TSHZ2: variants seen among roughly 807,000 people sequenced by gnomAD.
The protein encoded by TSHZ2 is teashirt zinc finger homeobox 2, also known as teashirt homolog 2.
A neutral mutation model predicts 74.4 loss-of-function variants in TSHZ2; 21 were observed. That is an observed-to-expected ratio of 0.28 (90% CI 0.20 to 0.41). TSHZ2 has a LOEUF of 0.41. Among genes scored for constraint, TSHZ2 ranks in the 10% least tolerant of loss-of-function variants. The pLI is 1.00. For synonymous variants in TSHZ2, 540 were observed against 515.3 expected, an observed-to-expected ratio of 1.05 and a Z score of -0.65; for missense variants, 1,244 against 1,293.5, an observed-to-expected ratio of 0.96 and a Z score of 0.59.
intron 2 of TSHZ2, among the ~76,000 whole-genome samples, chr20:53,270,857 A>C (rs1399313027): frequency 6.6e-6 from 1 of 152,134 alleles, no homozygotes; most frequent in African/African-American, 2.4e-5. Flanking sequence ...TTTCACAGTC[A>C]AATAATTCTA....
intron 1 of TSHZ2, among the ~76,000 whole-genome samples, chr20:53,249,029 C>T (rs1326034714): frequency 6.6e-6 from 1 of 150,968 alleles, no homozygotes; most frequent in Non-Finnish European, 1.5e-5. Context: ...TTAGTCGAAA[C>T]TGGGTTTCAC....
At chr20:53,062,952 A>T (rs1403340584) in intron 1 of TSHZ2, among the ~76,000 whole-genome samples, 1 of 152,130 alleles carries the variant, frequency 6.6e-6, no homozygotes, top group African/African-American at 2.4e-5. Context: ...CAGGGTTATT[A>T]ATTGGCCCAA....
intron 2 of TSHZ2, among the ~76,000 whole-genome samples, chr20:53,415,430 A>C (rs916213773): frequency 1.3e-5 from 2 of 151,894 alleles, no homozygotes; most frequent in African/African-American, 4.8e-5. Context: ...TGCCCCCTAC[A>C]GTCTCTGCTC....
intron 1 of TSHZ2, among the ~76,000 whole-genome samples, chr20:53,241,257 C>A (rs1990062747): frequency 1.3e-5 from 2 of 152,104 alleles, no homozygotes; most frequent in South Asian, 4.1e-4. Context: ...CTATGTATCT[C>A]CCAGAATTTT....
intron 1 of TSHZ2, among the ~76,000 whole-genome samples, chr20:53,042,915 G>C (rs925195892): frequency 6.6e-6 from 1 of 152,174 alleles, no homozygotes; most frequent in African/African-American, 2.4e-5. Context: ...AGTAGGGAAA[G>C]CTGGAAATAC....
At chr20:53,151,746 A>G (rs1283206644) in intron 1 of TSHZ2, among the ~76,000 whole-genome samples, 5 of 152,168 alleles carry the variant, frequency 3.3e-5, no homozygotes, top group Non-Finnish European at 5.9e-5. Flanking sequence ...AAATGTTACT[A>G]TCACCTCATG....
At chr20:53,273,184 T>C (rs1203478747) in intron 2 of TSHZ2, among the ~76,000 whole-genome samples, 4 of 152,252 alleles carry the variant, frequency 2.6e-5, no homozygotes, top group Non-Finnish European at 4.4e-5. Context: ...ACTTTGGATT[T>C]TTTGAGACCA....
At chr20:53,137,555 C>T (rs1987278336) in intron 1 of TSHZ2, among the ~76,000 whole-genome samples, 1 of 152,132 alleles carries the variant, frequency 6.6e-6, no homozygotes. Context: ...CTCTCTCACC[C>T]ATCAAATCTG....
chr20:53,139,799 G>A (rs1410728233), intron 1 of TSHZ2, among the ~76,000 whole-genome samples: 1 of 152,156 alleles, frequency 6.6e-6, no homozygotes, highest in Non-Finnish European at 1.5e-5. Flanking sequence ...GTCCAGTCCT[G>A]AATCCATTCG....
chr20:53,391,450 TTTTGTTTG>T (rs1364141533), intron 2 of TSHZ2, among the ~76,000 whole-genome samples: 2 of 151,684 alleles, frequency 1.3e-5, no homozygotes. Context: ...AGGCCGTTTT[TTTTGTTTG>T]TTTGTTTGTT....
intron 2 of TSHZ2, among the ~76,000 whole-genome samples, chr20:53,344,633 G>A (rs568643093): frequency 3.3e-5 from 5 of 152,274 alleles, no homozygotes; most frequent in African/African-American, 1.2e-4. Flanking sequence ...GTTTATAAAT[G>A]AGGGGAAAAA....
At chr20:53,007,717 C>T (rs948760515) in intron 1 of TSHZ2, among the ~76,000 whole-genome samples, 7 of 142,700 alleles carry the variant, frequency 4.9e-5, no homozygotes, top group Admixed American at 7.0e-5. Flanking sequence ...TATGTATACT[C>T]GTGTGTGTGT....
intron 1 of TSHZ2, among the ~76,000 whole-genome samples, chr20:53,234,251 C>T (rs1989889656): frequency 6.6e-6 from 1 of 152,110 alleles, no homozygotes; most frequent in African/African-American, 2.4e-5. Flanking sequence ...CACAGCCAAC[C>T]CAGAAAAATT....
At chr20:53,386,966 C>T (rs934744099) in intron 2 of TSHZ2, among the ~76,000 whole-genome samples, 6 of 150,516 alleles carry the variant, frequency 4.0e-5, no homozygotes, top group Non-Finnish European at 7.4e-5. Context: ...AATTCTTTTT[C>T]TTTCCCTCCC....
chr20:53,178,602 A>C (rs995084861), intron 1 of TSHZ2: 1 of 152,216 alleles, frequency 6.6e-6, no homozygotes, highest in Non-Finnish European at 1.5e-5. Context: ...TCCCAATTTC[A>C]TGTGGAAATT....
At chr20:53,324,666 A>G (rs1979420737) in intron 2 of TSHZ2, among the ~76,000 whole-genome samples, 1 of 152,116 alleles carries the variant, frequency 6.6e-6, no homozygotes, top group Admixed American at 6.5e-5. Flanking sequence ...TTTCATCCTC[A>G]AAGCCTCTGA....
intron 1 of TSHZ2, among the ~76,000 whole-genome samples, chr20:53,231,059 G>A (rs1989814998): frequency 6.6e-6 from 1 of 152,182 alleles, no homozygotes; most frequent in African/African-American, 2.4e-5. Flanking sequence ...CTTGAGGGAA[G>A]GAGGGTATTT....
chr20:53,143,822 A>G (rs1164357034), intron 1 of TSHZ2, among the ~76,000 whole-genome samples: 1 of 152,166 alleles, frequency 6.6e-6, no homozygotes, highest in Non-Finnish European at 1.5e-5. Flanking sequence ...TTATCAAGAC[A>G]GGAGAGTGGC....
chr20:53,369,544 T>G (rs921902427), intron 2 of TSHZ2, among the ~76,000 whole-genome samples: 1 of 151,458 alleles, frequency 6.6e-6, no homozygotes, highest in African/African-American at 2.4e-5. Context: ...CCATCTTTAC[T>G]AAAAATACAA....
Sources: allele counts gnomAD v4.1 joint callset (sites outside exome capture counted in the v4.1 genomes callset), GRCh38; gene constraint gnomAD v4.1.1; transcripts MANE v1.5; gene names NCBI Gene and HGNC (gene_info 2026-07-23, HGNC 2026-07-21).